RPIA: variants seen among roughly 807,000 people sequenced by gnomAD.
RPIA encodes the protein ribose 5-phosphate isomerase A, also known as ribose-5-phosphate isomerase.
In RPIA, 29 loss-of-function variants were observed where a neutral mutation model predicts 37.8. That is an observed-to-expected ratio of 0.77 (90% CI 0.57 to 1.05). The LOEUF is 1.05. Ranked by LOEUF, RPIA falls within the 50% of genes least tolerant of loss-of-function variation. The pLI is 0.00. For missense variants in RPIA, 385 were observed against 413.6 expected, an observed-to-expected ratio of 0.93 and a Z score of 0.60; for synonymous variants, 167 against 157.0, an observed-to-expected ratio of 1.06 and a Z score of -0.48.
intron 8 of RPIA, among the ~76,000 whole-genome samples, chr2:88,745,503 C>G (rs543301986): frequency 2.6e-5 from 4 of 152,240 alleles, no homozygotes; most frequent in South Asian, 2.1e-4. Context: ...ATTTGTTTGT[C>G]TGAAAATGAC....
At chr2:88,696,928 T>G (rs1672755370) in intron 1 of RPIA, among the ~76,000 whole-genome samples, 1 of 152,170 alleles carries the variant, frequency 6.6e-6, no homozygotes, top group South Asian at 2.1e-4. Flanking sequence ...GCAATTAAAT[T>G]TCAACGTGAG....
rs144464859 is a variant in RPIA at position 88,691,910 on chromosome 2, C to A, written c.212C>A (p.Ala71Asp). Residue 71 changes from alanine (A) to aspartate (D), a missense_variant, in exon 1 of 9, where the codon GCC (alanine) becomes GAC (aspartate). Coordinates refer to ENST00000283646, the MANE Select transcript of RPIA (RefSeq NM_144563.3). ...SCGDSNSICP[A>D]PSTMSKAEEA... ...GGGGACTCCAACAGCATCTGCCCGG[C>A]CCCCTCCACGATGTCCAAGGCCGAG... 70 of 1,594,684 alleles carry A rather than the reference C, an allele frequency of 4.4e-5. No individual in the cohort carries two copies. The African/African-American group carries it at 9.1e-4, about 21-fold the overall frequency.
Position 88,750,373 on chromosome 2 carries a change from G to T in RPIA, c.*295G>T, listed in dbSNP as rs1023025019. On this transcript the variant is annotated 3_prime_UTR_variant, in exon 9 of 9. Transcript: ENST00000283646. Reference sequence around the variant, plus strand: ...AATATTTACCAAAAAAAAAAAATGAGGTAAACTGTATTTAAAACCTTTGAC... The same window carrying T: ...AATATTTACCAAAAAAAAAAAATGATGTAAACTGTATTTAAAACCTTTGAC... The T allele has an allele frequency of 3.4e-5, 14 of 417,820 alleles. No individual in the cohort carries two copies. The highest frequency in any genetic ancestry group is 7.9e-5 in the Admixed American group (2 of 25,372). 25.9% of individuals were successfully genotyped at this position (417,820 alleles called of 1,614,324 possible).
At chr2:88,707,349 C>T (rs1558690207) in intron 3 of RPIA, among the ~76,000 whole-genome samples, 1 of 151,932 alleles carries the variant, frequency 6.6e-6, no homozygotes, top group East Asian at 1.9e-4. Context: ...CTTGTCCTAA[C>T]ATCTCAAGTC....
In RPIA at chr2:88,737,987, T is replaced by C. The variant is rs756213561; in HGVS notation, c.749T>C (p.Val250Ala). 6.2e-7 allele frequency: 1 copy of C among 1,613,536 alleles called. No individual in the cohort carries two copies. The highest frequency in any genetic ancestry group is 8.5e-7 in the Non-Finnish European group (1 of 1,179,462). Reference protein sequence around the residue: ...RMAVNKAGPVVTDNGNFILDW... With the variant: ...RMAVNKAGPVATDNGNFILDW... Reference sequence around the variant, plus strand: ...AAAATTATCTTCTAGGGTCCTGTGGTGACAGATAATGGGAATTTTATCTTG... The same window carrying C: ...AAAATTATCTTCTAGGGTCCTGTGGCGACAGATAATGGGAATTTTATCTTG... The change falls in exon 8 of 9, where the codon GTG (valine) becomes GCG (alanine). Residue 250 changes from valine (V) to alanine (A), a missense_variant. Coordinates refer to ENST00000283646, the MANE Select transcript of RPIA (RefSeq NM_144563.3).
In RPIA at chr2:88,695,440, C is replaced by T. The variant is rs543057654; in HGVS notation, c.286-3044C>T. Among the ~76,000 whole-genome samples, 5 of 152,276 alleles carry T rather than the reference C, an allele frequency of 3.3e-5. No homozygotes were observed. In the South Asian group the frequency reaches 6.2e-4, roughly 19 times the overall value. ...CAGAGTAGATTGCTTGCTTGGGATA[C>T]GGGGAGAAATCCCCATACATTTGAT... On this transcript the variant is annotated intron_variant, in intron 1 of 8. Coordinates refer to ENST00000283646, the MANE Select transcript of RPIA (RefSeq NM_144563.3).
intron 8 of RPIA, among the ~76,000 whole-genome samples, chr2:88,744,636 C>T (rs1673420663): frequency 6.6e-6 from 1 of 152,130 alleles, no homozygotes; most frequent in Non-Finnish European, 1.5e-5. Flanking sequence ...TATCTCATTT[C>T]TTAGGTCTAG....
chr2:88,697,692 T>A (rs980620068), intron 1 of RPIA, among the ~76,000 whole-genome samples: 2 of 152,256 alleles, frequency 1.3e-5, no homozygotes, highest in Non-Finnish European at 2.9e-5. Context: ...TCTGCATTTA[T>A]TATGATCCTT....
At chr2:88,706,794 G>A (rs1055938321) in intron 3 of RPIA, among the ~76,000 whole-genome samples, 10 of 152,082 alleles carry the variant, frequency 6.6e-5, no homozygotes, top group African/African-American at 1.7e-4. Context: ...ATTTGTTTAC[G>A]ATGTAGAACT....
At chr2:88,718,025 G>T (rs572238214) in intron 3 of RPIA, among the ~76,000 whole-genome samples, 1 of 152,262 alleles carries the variant, frequency 6.6e-6, no homozygotes, top group African/African-American at 2.4e-5. Flanking sequence ...GCTTCAGTTT[G>T]CAGGGCTTTG....
chr2:88,734,187 A>C (rs1401485015), intron 4 of RPIA, among the ~76,000 whole-genome samples: 2 of 150,340 alleles, frequency 1.3e-5, no homozygotes, highest in South Asian at 2.1e-4. Flanking sequence ...GTAATGTCTA[A>C]GATTTTTTAT....
chr2:88,708,442 CA>C (rs35668500), intron 3 of RPIA, among the ~76,000 whole-genome samples: 1 of 151,504 alleles, frequency 6.6e-6, no homozygotes, highest in East Asian at 1.9e-4. Flanking sequence ...ATGTTGTTTC[CA>C]AAAAAAAGGT....
Position 88,735,683 on chromosome 2 carries a change from A to G in RPIA, c.542A>G (p.Gln181Arg), listed in dbSNP as rs757954891. ...CTTTCCTGCAGAGGCTGCCTGACCC[A>G]GGAGAAGATTGTGGCTGGCTATGCT... ...LIKGGGGCLT[Q>R]EKIVAGYASR... Residue 181 changes from glutamine to arginine, a missense_variant, in exon 6 of 9, where the codon CAG (glutamine) becomes CGG (arginine). Around this residue, in one of 2 missense-constraint regions of RPIA, gnomAD observed 153 missense variants for 210.6 expected, o/e 0.73. Coordinates refer to ENST00000283646, the MANE Select transcript of RPIA (RefSeq NM_144563.3). 1.9e-6 allele frequency: 3 copies of G among 1,614,130 alleles called. No individual in the cohort carries two copies. Among genetic ancestry groups the G allele is most frequent in the African/African-American group, 2.7e-5 (2 of 75,036 alleles).
At chr2:88,692,697 T>C (rs2104062527) in intron 1 of RPIA, among the ~76,000 whole-genome samples, 1 of 152,348 alleles carries the variant, frequency 6.6e-6, no homozygotes, top group South Asian at 2.1e-4. Flanking sequence ...ATCTTAATTA[T>C]AATAAGGAAG....
intron 3 of RPIA, among the ~76,000 whole-genome samples, chr2:88,726,781 G>A (rs1475443037): frequency 6.6e-6 from 1 of 152,076 alleles, no homozygotes; most frequent in Non-Finnish European, 1.5e-5. Flanking sequence ...TTGCTCTCTT[G>A]CCCAGACTGG....
In RPIA at chr2:88,700,071, C is replaced by T; in HGVS notation, c.402+7C>T. The T allele has an allele frequency of 6.2e-7, 1 of 1,613,918 alleles. No individual in the cohort carries two copies. Among genetic ancestry groups the T allele is most frequent in the Non-Finnish European group, 8.5e-7 (1 of 1,179,780 alleles). On this transcript the variant is annotated splice_region_variant and intron_variant, in intron 3 of 8. Coordinates refer to ENST00000283646, the MANE Select transcript of RPIA (RefSeq NM_144563.3). ...TATTCCCACTTCCTTCCAGGTATGT[C>T]CTGCTTTCCATCTGCATCGTGACAG...
chr2:88,691,888 G>A lies in RPIA; in HGVS notation c.190G>A (p.Asp64Asn). 6.3e-7 allele frequency: 1 copy of A among 1,596,474 alleles called. No homozygotes were observed. The highest frequency in any genetic ancestry group is 8.5e-7 in the Non-Finnish European group (1 of 1,172,856). ...GAGNTSTSCG[D>N]SNSICPAPST... ...TGGCAACACAAGCACCAGCTGCGGGGACTCCAACAGCATCTGCCCGGCCCC... is the reference window on the plus strand; with the variant it reads ...TGGCAACACAAGCACCAGCTGCGGGAACTCCAACAGCATCTGCCCGGCCCC... The change falls in exon 1 of 9, where the codon GAC becomes AAC. Residue 64 changes from aspartate (D) to asparagine (N), a missense_variant. Physicochemically the swap from Asp to Asn is conservative, Grantham distance 23. Coordinates refer to ENST00000283646, the MANE Select transcript of RPIA (RefSeq NM_144563.3).
Position 88,747,101 on chromosome 2 carries a change from ACTTTC to A in RPIA, c.839-2876_839-2872del, listed in dbSNP as rs1418472551. ...GCAGAGTTAGGTGGGTCTGAGTCAG[ACTTTC>A]CTTGGGCAGGGCTTGCTGTGGCCAC... On this transcript the variant is annotated intron_variant, in intron 8 of 8. Coordinates refer to ENST00000283646, the MANE Select transcript of RPIA (RefSeq NM_144563.3). 2.0e-5 allele frequency among the ~76,000 whole-genome samples: 3 copies of A among 152,142 alleles called. No homozygotes were observed. In the East Asian group the frequency reaches 5.8e-4, roughly 29 times the overall value.
chr2:88,734,427 C>T (rs1277480322), intron 4 of RPIA, 125 bp from the exon 5 acceptor site: 5 of 886,052 alleles, frequency 5.6e-6, no homozygotes, highest in Non-Finnish European at 9.5e-6. Context: ...TCTTGATTTG[C>T]TAAATGGGAG....
Sources: allele counts gnomAD v4.1 joint callset (sites outside exome capture counted in the v4.1 genomes callset), GRCh38; gene constraint gnomAD v4.1.1; regional missense constraint gnomAD v4.1.1; transcripts MANE v1.5; gene names NCBI Gene and HGNC (gene_info 2026-07-23, HGNC 2026-07-21).